Variants in RASGRF1 observed in about 807,000 individuals in gnomAD.
The protein encoded by RASGRF1 is ras-specific guanine nucleotide-releasing factor 1.
RASGRF1 carries 40 observed loss-of-function variants against 138.7 expected under a neutral mutation model. The observed-to-expected ratio is 0.29, with a 90% CI of 0.22 to 0.38. RASGRF1 has a LOEUF of 0.38. RASGRF1 is among the 10% of genes least tolerant of loss of function. The pLI, the probability that RASGRF1 is intolerant of heterozygous loss-of-function variation, is 1.00. For synonymous variants in RASGRF1, 614 were observed against 663.2 expected (o/e 0.93, Z 1.14); for missense variants, 1,108 against 1,650.4 (o/e 0.67, Z 5.69).
At chr15:79,058,283 G>A in intron 3 of RASGRF1, 51 bp downstream of exon 3, 1 of 1,585,312 alleles carries the variant, frequency 6.3e-7, no homozygotes, top group Non-Finnish European at 8.6e-7. Flanking sequence ...GGAGCCCAGG[G>A]TTTGAGATGT....
intron 26 of RASGRF1, among the ~76,000 whole-genome samples, chr15:78,966,225 AT>A (rs3063545): frequency 0.73 from 81,043 of 110,622 alleles, 32,481 homozygotes; most frequent in Non-Finnish European, 0.91. Flanking sequence ...GAGGACTTAA[AT>A]TTTTTTTTTT....
intron 10 of RASGRF1, among the ~76,000 whole-genome samples, chr15:79,024,035 AT>A (rs2057006997): frequency 6.9e-6 from 1 of 145,200 alleles, no homozygotes; most frequent in East Asian, 2.1e-4. Flanking sequence ...ACACACACAC[AT>A]ACAAACACAC....
In RASGRF1 at chr15:78,962,232, G is replaced by A. The variant is rs987999388; in HGVS notation, c.3686C>T (p.Thr1229Met). ...AAAAGATTGGTCCAGTAAATATTGC[G>A]TTACCTGAGAAAAGAAAAGAGAAAA... ...AYKIEHQAKV[T>M]QYLLDQSFVM... Residue 1229 changes from threonine (T) to methionine (M), a missense_variant, in exon 27 of 27, where the codon ACG becomes ATG. By Grantham distance (81) the Thr-to-Met change is moderately conservative. Around this residue, in one of 3 missense-constraint regions of RASGRF1, gnomAD observed 686 missense variants for 976.7 expected, o/e 0.70. Coordinates refer to ENST00000558480, the MANE Select transcript of RASGRF1 (RefSeq NM_001145648.3). 15 of 1,553,158 alleles carry A rather than the reference G, an allele frequency of 9.7e-6. No homozygotes were observed. The highest frequency in any genetic ancestry group is 2.3e-5 in the East Asian group (1 of 43,032).
intron 19 of RASGRF1, among the ~76,000 whole-genome samples, chr15:78,996,386 G>A (rs753325490): frequency 2.0e-5 from 3 of 152,214 alleles, no homozygotes; most frequent in Non-Finnish European, 2.9e-5. Flanking sequence ...CGGAGGCTGC[G>A]GACACTGGAG....
At chr15:79,025,567 A>G in intron 9 of RASGRF1, 93 bp from the exon 10 acceptor site, 1 of 1,425,658 alleles carries the variant, frequency 7.0e-7, no homozygotes, top group Middle Eastern at 2.6e-4. Context: ...GGGCAGCAGC[A>G]GTGGGACAAG....
chr15:78,992,550 G>C (rs977948791), intron 20 of RASGRF1, among the ~76,000 whole-genome samples: 1 of 152,212 alleles, frequency 6.6e-6, no homozygotes, highest in African/African-American at 2.4e-5. Flanking sequence ...GATGCTGGAA[G>C]GCGGTGGGTA....
In RASGRF1 at chr15:79,050,610, C is replaced by G. The variant is rs1044707086; in HGVS notation, c.532-1022G>C. 2.6e-5 allele frequency among the ~76,000 whole-genome samples: 4 copies of G among 152,186 alleles called. No individual in the cohort carries two copies. The highest frequency in any genetic ancestry group is 4.8e-5 in the African/African-American group (2 of 41,438). On this transcript the variant is annotated intron_variant, in intron 3 of 26. Coordinates refer to ENST00000558480, the MANE Select transcript of RASGRF1 (RefSeq NM_001145648.3). This position sits in a 1 kb window ranked among gnomAD's most constrained non-coding sequence, Gnocchi z 4.1. ...GTGGAGCAGCTCTTCAAATATCTAG[C>G]TGCTCTAAACATCTCCATTTGCATA...
In RASGRF1 at chr15:79,006,140, G is replaced by T. The variant is rs774761773; in HGVS notation, c.2075+46C>A. ...CGTGCAAGCTCAGTTTTCCTCCAAG[G>T]CTTGGAAGCTCTCCGGGCATGGGAG... On this transcript the variant is annotated intron_variant, in intron 14 of 26. Transcript: ENST00000558480. This position sits in a 1 kb window ranked among gnomAD's most constrained non-coding sequence, Gnocchi z 4.0. The T allele has an allele frequency of 6.4e-5, 103 of 1,610,862 alleles. No homozygotes were observed. The highest frequency in any genetic ancestry group is 8.2e-5 in the Non-Finnish European group (96 of 1,177,782).
At chr15:78,988,540 G>C (rs2056206737) in intron 22 of RASGRF1, among the ~76,000 whole-genome samples, 1 of 152,238 alleles carries the variant, frequency 6.6e-6, no homozygotes, top group African/African-American at 2.4e-5. Context: ...CCTCCCCTGA[G>C]CTGCAATCTC....
intron 20 of RASGRF1, 67 bp downstream of exon 20, chr15:78,995,673 G>T: frequency 6.4e-7 from 1 of 1,565,172 alleles, no homozygotes; most frequent in Non-Finnish European, 8.8e-7. Context: ...CCTGTGATGG[G>T]TCAGGGGTCC....
intron 13 of RASGRF1, among the ~76,000 whole-genome samples, chr15:79,007,545 GTT>G (rs5813951): frequency 0.36 from 39,109 of 108,790 alleles, 6,557 homozygotes; most frequent in East Asian, 0.67. Context: ...GCCGTATCTA[GTT>G]TTTTTTTTTT....
intron 1 of RASGRF1, among the ~76,000 whole-genome samples, chr15:79,089,505 G>C (rs778299097): frequency 1.3e-5 from 2 of 152,266 alleles, no homozygotes; most frequent in African/African-American, 2.4e-5. Flanking sequence ...GGCGGCGCAG[G>C]GGGCGGGGGA....
At chr15:79,075,170 A>C (rs1334179075) in intron 1 of RASGRF1, among the ~76,000 whole-genome samples, 1 of 152,220 alleles carries the variant, frequency 6.6e-6, no homozygotes. Context: ...TCACTAGTCT[A>C]GACTTTTGCC....
intron 22 of RASGRF1, among the ~76,000 whole-genome samples, chr15:78,988,638 C>G (rs1205878958): frequency 6.6e-6 from 1 of 152,162 alleles, no homozygotes; most frequent in Non-Finnish European, 1.5e-5. Context: ...GTGGCCCTGG[C>G]CAAGGTGGTC....
At chr15:78,986,998 T>A (rs1191791321) in intron 22 of RASGRF1, among the ~76,000 whole-genome samples, 1 of 152,172 alleles carries the variant, frequency 6.6e-6, no homozygotes, top group African/African-American at 2.4e-5. Context: ...AAGAAATAGA[T>A]CAGTCAAATC....
rs999429889 is a variant in RASGRF1 at position 78,989,640 on chromosome 15, G to A, written c.3216+549C>T. ...AAGGCAAGAAGAGGGGCAGCGAGTG[G>A]GACATCATTGCCAGAGTAGCTGAAA... On this transcript the variant is annotated intron_variant, in intron 22 of 26. Coordinates refer to ENST00000558480, the MANE Select transcript of RASGRF1 (RefSeq NM_001145648.3). Among the ~76,000 whole-genome samples the A allele has an allele frequency of 1.9e-4, 29 of 152,224 alleles. 1 individual carries two copies. Among genetic ancestry groups the A allele is most frequent in the Admixed American group, 1.2e-3 (18 of 15,294 alleles).
chr15:79,039,749 G>A (rs1236323415), intron 5 of RASGRF1, among the ~76,000 whole-genome samples: 1 of 152,092 alleles, frequency 6.6e-6, no homozygotes, highest in Admixed American at 6.6e-5. Context: ...AGTGGTTGCT[G>A]TAGATATAGG....
intron 5 of RASGRF1, among the ~76,000 whole-genome samples, chr15:79,037,155 T>C (rs1001671213): frequency 6.6e-6 from 1 of 152,132 alleles, no homozygotes; most frequent in Non-Finnish European, 1.5e-5. Flanking sequence ...GGAGTCCACA[T>C]GTGAAGACCC....
Position 78,985,097 on chromosome 15 carries a change from G to A in RASGRF1, c.3324C>T (p.His1108=), listed in dbSNP as rs1365132417. 3 of 1,613,816 alleles carry A rather than the reference G, an allele frequency of 1.9e-6. No individual in the cohort carries two copies. Among genetic ancestry groups the A allele is most frequent in the Non-Finnish European group, 2.5e-6 (3 of 1,179,698 alleles). The change falls in exon 23 of 27, where the codon CAC becomes CAT. Residue 1108 remains histidine, a synonymous_variant. Transcript: ENST00000558480. The part of the protein sequence containing the change: ...VAVADICRCL[H]NYNAVLEITS... ...TGATCTCCAGTACGGCATTGTAGTTGTGGAGGCAGCGGCATATGTCAGCTA... is the reference window on the plus strand; with the variant it reads ...TGATCTCCAGTACGGCATTGTAGTTATGGAGGCAGCGGCATATGTCAGCTA...
Sources: allele counts gnomAD v4.1 joint callset (sites outside exome capture counted in the v4.1 genomes callset), GRCh38; gene constraint gnomAD v4.1.1; regional missense constraint gnomAD v4.1.1; non-coding constraint Gnocchi (gnomAD v3.1); transcripts MANE v1.5; gene names NCBI Gene and HGNC (gene_info 2026-07-23, HGNC 2026-07-21).